The following UBN1 variants were observed in gnomAD, a reference collection of about 807,000 sequenced individuals.
The protein encoded by UBN1 is ubinuclein 1.
A neutral mutation model predicts 108.5 loss-of-function variants in UBN1; 17 were observed. The ratio of observed to expected loss-of-function variants is 0.16; its 90% CI spans 0.11 to 0.24. UBN1 has a LOEUF of 0.24. Among genes scored for constraint, UBN1 ranks in the 10% least tolerant of loss-of-function variants. The pLI is 1.00. For synonymous variants in UBN1, 726 were observed against 564.2 expected (o/e 1.29, Z -4.07); for missense variants, 1,595 against 1,394.4 (o/e 1.14, Z -2.29).
At chr16:4,854,597 C>G (rs965387310) in intron 2 of UBN1, among the ~76,000 whole-genome samples, 3 of 149,942 alleles carry the variant, frequency 2.0e-5, no homozygotes, top group Non-Finnish European at 3.0e-5. Context: ...AACTCCTGAC[C>G]TCAAGTGATC....
At chr16:4,879,651 TC>T (rs1399080439) in intron 17 of UBN1, among the ~76,000 whole-genome samples, 1 of 152,250 alleles carries the variant, frequency 6.6e-6, no homozygotes, top group African/African-American at 2.4e-5. Context: ...TGCTTTCCTT[TC>T]TTTCTTCTGT....
rs748952397 is a variant in UBN1 at position 4,875,415 on chromosome 16, C to T, written c.3005C>T (p.Thr1002Ile). 1 of 1,612,150 alleles carries T rather than the reference C, an allele frequency of 6.2e-7. No individual in the cohort carries two copies. The highest frequency in any genetic ancestry group is 8.5e-7 in the Non-Finnish European group (1 of 1,178,680). Residue 1002 changes from threonine (T) to isoleucine (I), a missense_variant, in exon 15 of 18, where the codon ACA (threonine) becomes ATA (isoleucine). This residue lies in a region of UBN1 where 1,398 missense variants were observed against 1,194.7 expected (regional missense o/e 1.17). Transcript: ENST00000262376. ...AAGCCCTCTGCAGTTAGTAGTGTGA[C>T]ATCGTCTACCTCCTTGTCAGTGAGT... The part of the protein sequence containing the change: ...SLKPSAVSSV[T>I]SSTSLSKGAS...
chr16:4,858,211 G>C, intron 3 of UBN1, 135 bp downstream of exon 3: 2 of 712,172 alleles, frequency 2.8e-6, no homozygotes, highest in Non-Finnish European at 4.8e-6. Context: ...AAGAGAAGCA[G>C]TTATTAAACC....
chr16:4,879,796 G>A (rs2088025306), intron 17 of UBN1, among the ~76,000 whole-genome samples: 1 of 152,212 alleles, frequency 6.6e-6, no homozygotes, highest in African/African-American at 2.4e-5. Flanking sequence ...GGCAATTGTA[G>A]CCTGAGATGA....
chr16:4,877,151 C>T lies in UBN1; in HGVS notation c.3265+40C>T. 1 of 1,564,164 alleles carries T rather than the reference C, an allele frequency of 6.4e-7. No homozygotes were observed. Among genetic ancestry groups the T allele is most frequent in the Non-Finnish European group, 8.6e-7 (1 of 1,157,692 alleles). ...GCTGCCTCTGGTCACTCAGGAACCT[C>T]TAGATTGTGGCCAGGGGTCCTGCTG... On this transcript the variant is annotated intron_variant, in intron 16 of 17. Transcript: ENST00000262376. The surrounding 1 kb of genome is among the most constrained non-coding windows in gnomAD (Gnocchi z 4.3).
At chr16:4,848,741 A>T (rs557947959) in intron 1 of UBN1, among the ~76,000 whole-genome samples, 1 of 152,252 alleles carries the variant, frequency 6.6e-6, no homozygotes, top group Admixed American at 6.5e-5. Context: ...AAAATTTAAC[A>T]TAAGTTCCTG....
rs534943419 is a variant in UBN1, at chr16:4,870,609, G to A, written c.1405G>A (p.Ala469Thr). Residue 469 changes from alanine (A) to threonine (T), a missense_variant, in exon 10 of 18, where the codon GCA becomes ACA. Coordinates refer to ENST00000262376, the MANE Select transcript of UBN1 (RefSeq NM_001079514.3). ...QMAKYQDECQ[A>T]HTQAKVAKML... is the part of the protein sequence containing the mutation. ...GGCCAAGTACCAGGACGAATGCCAG[G>A]CACACACGCAGGCAAAGGTTGCCAA... 2 of 1,614,172 alleles carry A rather than the reference G, an allele frequency of 1.2e-6. No individual in the cohort carries two copies. Among genetic ancestry groups the A allele is most frequent in the East Asian group, 2.2e-5 (1 of 44,870 alleles).
rs149111566 is a variant in UBN1, at chr16:4,866,571, G to A, written c.1111-2262G>A. 1.8e-3 allele frequency among the ~76,000 whole-genome samples: 280 copies of A among 152,316 alleles called. 4 individuals are homozygous for A. The East Asian group carries it at 0.045, about 24-fold the overall frequency. ...TCTGTCACCCAGGCTGGAGTGCAGT[G>A]GCACGATCTTGCCTTACTGCAACCT... On this transcript the variant is annotated intron_variant, in intron 7 of 17. Coordinates refer to ENST00000262376, the MANE Select transcript of UBN1 (RefSeq NM_001079514.3).
In UBN1 at chr16:4,861,118, G is replaced by A; in HGVS notation, c.1110+16G>A. 1.2e-6 allele frequency: 2 copies of A among 1,601,526 alleles called. No individual in the cohort carries two copies. The highest frequency in any genetic ancestry group is 2.2e-5 in the South Asian group (2 of 89,878). Reference sequence around the variant, plus strand: ...GCTGGCTCAGGTATGGTGGCACAGTGCGGCTGGGCTTTCCTGGAAGCAGTT... The same window carrying A: ...GCTGGCTCAGGTATGGTGGCACAGTACGGCTGGGCTTTCCTGGAAGCAGTT... On this transcript the variant is annotated intron_variant, in intron 7 of 17. Coordinates refer to ENST00000262376, the MANE Select transcript of UBN1 (RefSeq NM_001079514.3).
chr16:4,873,015 T>C lies in UBN1; in HGVS notation c.1758-16T>C. On this transcript the variant is annotated splice_polypyrimidine_tract_variant and intron_variant, in intron 13 of 17. Transcript: ENST00000262376. Reference sequence around the variant, plus strand: ...GGATATTCTCTAAACTTTTCTGTGCTCATTCCTTTGAACAGGGCCAAGAAG... The same window carrying C: ...GGATATTCTCTAAACTTTTCTGTGCCCATTCCTTTGAACAGGGCCAAGAAG... The C allele has an allele frequency of 3.1e-6, 5 of 1,614,230 alleles. No individual in the cohort carries two copies. Among genetic ancestry groups the C allele is most frequent in the Non-Finnish European group, 4.2e-6 (5 of 1,180,044 alleles).
At chr16:4,873,164 G>A in intron 14 of UBN1, 91 bp downstream of exon 14, 1 of 1,566,532 alleles carries the variant, frequency 6.4e-7, no homozygotes, top group Non-Finnish European at 8.8e-7. Context: ...GAAGCTCATT[G>A]ATCTTTGCTC....
intron 15 of UBN1, 23 bp from the exon 16 acceptor site, chr16:4,876,848 C>A (rs199559477): frequency 1.8e-5 from 28 of 1,559,166 alleles, no homozygotes; most frequent in Non-Finnish European, 2.3e-5. Flanking sequence ...GAGTTCTTAC[C>A]GCTTGCTGTG....
At chr16:4,855,874 A>G (rs2086785435) in intron 2 of UBN1, among the ~76,000 whole-genome samples, 1 of 152,148 alleles carries the variant, frequency 6.6e-6, no homozygotes, top group Admixed American at 6.6e-5. Context: ...AGCTGAGATC[A>G]TGCCACTGTA....
chr16:4,866,006 TTTGA>T (rs762365253), intron 7 of UBN1, among the ~76,000 whole-genome samples: 8 of 151,930 alleles, frequency 5.3e-5, no homozygotes, highest in Non-Finnish European at 8.8e-5. Context: ...TAAGATAAAA[TTTGA>T]TTGGAAGTTT....
At chr16:4,874,113 G>GT (rs1199282249) in intron 14 of UBN1, 98 bp from the exon 15 acceptor site, 11 of 1,450,384 alleles carry the variant, frequency 7.6e-6, no homozygotes, top group Non-Finnish European at 9.1e-6. Context: ...GGAAGGCCCA[G>GT]TTTTTTTGAC....
chr16:4,870,167 G>C (rs765581935), intron 8 of UBN1, 45 bp from the exon 9 acceptor site: 21 of 1,612,442 alleles, frequency 1.3e-5, no homozygotes, highest in East Asian at 2.2e-5. Flanking sequence ...GAAGACAGGA[G>C]TTGCAGTGAG....
chr16:4,864,232 G>A (rs989479533), intron 7 of UBN1, among the ~76,000 whole-genome samples: 3 of 151,984 alleles, frequency 2.0e-5, no homozygotes, highest in Non-Finnish European at 2.9e-5. Flanking sequence ...GATTACAGGC[G>A]TGAGCCACTG....
At chr16:4,856,695 C>T (rs996097486) in intron 2 of UBN1, among the ~76,000 whole-genome samples, 2 of 152,120 alleles carry the variant, frequency 1.3e-5, no homozygotes, top group Non-Finnish European at 2.9e-5. Flanking sequence ...GTTGGCAAGG[C>T]GTTCAGTAGT....
In UBN1 at chr16:4,880,157, C is replaced by T. The variant is rs774331662; in HGVS notation, c.*25C>T. On this transcript the variant is annotated 3_prime_UTR_variant, in exon 18 of 18. Transcript: ENST00000262376. ...ACCGCTTCAGAGGCAAGGCTTGCCA[C>T]TTGGGTCTGGGTGGAATCAGAACGT... The T allele has an allele frequency of 4.3e-6, 7 of 1,613,786 alleles. No individual in the cohort carries two copies. The South Asian group carries it at 4.4e-5, about 10-fold the overall frequency.
Sources: allele counts gnomAD v4.1 joint callset (sites outside exome capture counted in the v4.1 genomes callset), GRCh38; gene constraint gnomAD v4.1.1; regional missense constraint gnomAD v4.1.1; non-coding constraint Gnocchi (gnomAD v3.1); transcripts MANE v1.5; gene names NCBI Gene and HGNC (gene_info 2026-07-23, HGNC 2026-07-21).